Variants in RALGAPB observed in about 807,000 individuals in gnomAD.
RALGAPB encodes the protein ral GTPase-activating protein subunit beta.
RALGAPB carries 25 observed loss-of-function variants against 161.1 expected under a neutral mutation model. That is an observed-to-expected ratio of 0.16 (90% confidence interval 0.11 to 0.22). The LOEUF (loss-of-function observed/expected upper bound fraction) is 0.22. Among genes scored for constraint, RALGAPB ranks in the 10% least tolerant of loss-of-function variants. RALGAPB has a pLI of 1.00. For missense variants in RALGAPB, 1,391 were observed against 1,815.2 expected (o/e 0.77, Z 4.25); for synonymous variants, 629 against 626.1 (o/e 1.00, Z -0.07).
chr20:38,544,264 G>A (rs920396409), intron 18 of RALGAPB, among the ~76,000 whole-genome samples: 4 of 151,786 alleles, frequency 2.6e-5, no homozygotes, highest in Non-Finnish European at 4.4e-5. Flanking sequence ...ACATTTGATC[G>A]TTAAATCCTT....
intron 26 of RALGAPB, chr20:38,568,521 AGGAGGGGCCT>A (rs1315567647): frequency 6.2e-4 from 94 of 152,364 alleles, no homozygotes; most frequent in African/African-American, 2.2e-3. Flanking sequence ...AACATGGTAG[AGGAGGGGCCT>A]ACACAGAGAA....
At chr20:38,496,686 C>T (rs771012301) in intron 3 of RALGAPB, among the ~76,000 whole-genome samples, 4 of 152,160 alleles carry the variant, frequency 2.6e-5, no homozygotes, top group East Asian at 1.9e-4. Flanking sequence ...AATGGTCCTG[C>T]GGTGAGTTTT....
intron 13 of RALGAPB, among the ~76,000 whole-genome samples, chr20:38,529,531 A>T (rs1207917069): frequency 2.0e-5 from 3 of 150,526 alleles, no homozygotes; most frequent in African/African-American, 4.9e-5. Flanking sequence ...AAAAAAAAAT[A>T]AAATAAAAAT....
At chr20:38,540,925 C>T in intron 17 of RALGAPB, 116 bp from the exon 18 acceptor site, 2 of 1,084,532 alleles carry the variant, frequency 1.8e-6, no homozygotes, top group South Asian at 3.5e-5. Flanking sequence ...AAGAAATTAC[C>T]AAGAAACTGG....
intron 2 of RALGAPB, among the ~76,000 whole-genome samples, chr20:38,489,447 G>A (rs2085212741): frequency 6.6e-6 from 1 of 152,200 alleles, no homozygotes. Context: ...TTGCCCTGAA[G>A]CTGGCCCTTT....
At chr20:38,555,546 T>A (rs1461971244) in intron 22 of RALGAPB, among the ~76,000 whole-genome samples, 7 of 152,200 alleles carry the variant, frequency 4.6e-5, no homozygotes, top group Non-Finnish European at 1.0e-4. Context: ...ATTAGTGATA[T>A]TCCTAGTGGA....
rs946159396 is a variant in RALGAPB at position 38,577,934 on chromosome 20, C to G, written c.*2967C>G. On this transcript the variant is annotated 3_prime_UTR_variant, in exon 30 of 30. Transcript: ENST00000262879. ...GGAAGCATTTGTCAGACTCTGCAGACTGGGTTCTAGAGAGGCAGAGTCTTT... is the reference window on the plus strand; with the variant it reads ...GGAAGCATTTGTCAGACTCTGCAGAGTGGGTTCTAGAGAGGCAGAGTCTTT... 2.0e-5 allele frequency: 3 copies of G among 152,166 alleles called. No homozygotes were observed. The highest frequency in any genetic ancestry group is 4.4e-5 in the Non-Finnish European group (3 of 68,048). The allele number at this position is 152,166 out of a possible 1,614,324, so 9.4% of individuals were successfully genotyped here. A position where few individuals can be genotyped will look rare whatever the true frequency, so the allele number is the denominator to read the frequency against.
At chr20:38,566,996 T>G (rs1053741376) in intron 25 of RALGAPB, 100 bp from the exon 26 acceptor site, 2 of 1,471,656 alleles carry the variant, frequency 1.4e-6, no homozygotes, top group African/African-American at 2.8e-5. Flanking sequence ...ATGCTTTGTT[T>G]AAGTGATTTA....
At chr20:38,571,527 A>G (rs370821229) in intron 28 of RALGAPB, among the ~76,000 whole-genome samples, 1 of 152,232 alleles carries the variant, frequency 6.6e-6, no homozygotes, top group African/African-American at 2.4e-5. Context: ...ATGTTGTTGC[A>G]GATGGCAGGA....
chr20:38,480,299 T>C (rs986497637), intron 1 of RALGAPB, among the ~76,000 whole-genome samples: 1 of 143,682 alleles, frequency 7.0e-6, no homozygotes, highest in Admixed American at 7.3e-5. Flanking sequence ...TTCCTTTGGC[T>C]CTGGGTTTTC....
At chr20:38,570,746 G>C (rs767009344) in intron 27 of RALGAPB, 23 bp from the exon 28 acceptor site, 1 of 1,462,836 alleles carries the variant, frequency 6.8e-7, no homozygotes, top group Admixed American at 1.7e-5. Context: ...GATATTAATT[G>C]TAATGCTATT....
chr20:38,508,930 C>A, intron 5 of RALGAPB, 147 bp from the exon 6 acceptor site: 1 of 869,560 alleles, frequency 1.2e-6, no homozygotes, highest in East Asian at 2.5e-5. Context: ...TTCAGTTTGT[C>A]TGTTTTATAA....
intron 23 of RALGAPB, among the ~76,000 whole-genome samples, chr20:38,561,839 G>A (rs1003176827): frequency 3.3e-5 from 5 of 152,106 alleles, no homozygotes; most frequent in African/African-American, 1.2e-4. Context: ...TGCCTCACCA[G>A]TTATGACAAC....
intron 1 of RALGAPB, among the ~76,000 whole-genome samples, chr20:38,475,820 T>C (rs1399508646): frequency 1.3e-5 from 2 of 152,166 alleles, no homozygotes; most frequent in Non-Finnish European, 2.9e-5. Context: ...TTTCGCCATG[T>C]TGGCCAGGTT....
At chr20:38,556,186 A>G (rs980752338) in intron 22 of RALGAPB, among the ~76,000 whole-genome samples, 1 of 152,218 alleles carries the variant, frequency 6.6e-6, no homozygotes. Flanking sequence ...TGTTAAAATC[A>G]GAGGTAAAAG....
chr20:38,549,196 C>T (rs1211976690), intron 20 of RALGAPB, among the ~76,000 whole-genome samples: 1 of 151,970 alleles, frequency 6.6e-6, no homozygotes, highest in Non-Finnish European at 1.5e-5. Flanking sequence ...ATGATTTGTT[C>T]TTATATAATA....
chr20:38,568,703 C>T (rs2088107516), intron 26 of RALGAPB: 1 of 152,100 alleles, frequency 6.6e-6, no homozygotes, highest in Non-Finnish European at 1.5e-5. Flanking sequence ...AGGAAAAACG[C>T]CAGGGTGTTG....
At chr20:38,497,215 G>C in intron 3 of RALGAPB, 138 bp from the exon 4 acceptor site, 1 of 713,782 alleles carries the variant, frequency 1.4e-6, no homozygotes, top group Non-Finnish European at 2.2e-6. Context: ...AACTGAAGAC[G>C]GTATGCCTAG....
chr20:38,478,750 G>A (rs1221247407), intron 1 of RALGAPB, among the ~76,000 whole-genome samples: 1 of 152,110 alleles, frequency 6.6e-6, no homozygotes, highest in African/African-American at 2.4e-5. Context: ...CTGAGTAGCT[G>A]GGATTACAGA....
Sources: gnomAD v4.1 joint callset for allele counts (sites outside exome capture counted in the v4.1 genomes callset) on GRCh38, gnomAD v4.1.1 for gene constraint, MANE v1.5 for transcripts, NCBI Gene and HGNC (gene_info 2026-07-23, HGNC 2026-07-21) for gene names.